Variants in EPB41L2 observed in about 807,000 individuals in gnomAD.
EPB41L2 encodes erythrocyte membrane protein band 4.1 like 2, also known as band 4.1-like protein 2.
A neutral mutation model predicts 113.0 loss-of-function variants in EPB41L2; 43 were observed. That is an observed-to-expected ratio of 0.38 (90% CI 0.30 to 0.49). The LOEUF is 0.49. EPB41L2 is among the 20% of genes least tolerant of loss of function. EPB41L2 has a pLI of 0.95. For missense variants in EPB41L2, 1,147 were observed against 1,223.4 expected (o/e 0.94, Z 0.93); for synonymous variants, 442 against 436.7 (o/e 1.01, Z -0.15).
intron 1 of EPB41L2, among the ~76,000 whole-genome samples, chr6:131,031,671 C>T (rs1792183373): frequency 6.6e-6 from 1 of 152,048 alleles, no homozygotes; most frequent in Non-Finnish European, 1.5e-5. Context: ...CATTTACAAC[C>T]AAAAGAAACA....
intron 14 of EPB41L2, among the ~76,000 whole-genome samples, chr6:130,872,737 A>G (rs1786175505): frequency 6.6e-6 from 1 of 152,194 alleles, no homozygotes; most frequent in South Asian, 2.1e-4. Context: ...ACCCTGCTTG[A>G]GAATCTTTGA....
intron 1 of EPB41L2, chr6:131,013,673 CT>C (rs1046545303): frequency 3.9e-5 from 6 of 152,166 alleles, no homozygotes; most frequent in African/African-American, 1.4e-4. Flanking sequence ...GGAAACTGCC[CT>C]TTTCACCCGT....
At chr6:130,958,911 G>A (rs1001063894) in intron 1 of EPB41L2, among the ~76,000 whole-genome samples, 11 of 152,312 alleles carry the variant, frequency 7.2e-5, no homozygotes, top group Admixed American at 2.6e-4. Flanking sequence ...TTCACTTAGC[G>A]CAACCTGGCT....
chr6:131,022,312 G>A (rs976037804), intron 1 of EPB41L2, among the ~76,000 whole-genome samples: 3 of 152,064 alleles, frequency 2.0e-5, no homozygotes, highest in East Asian at 1.9e-4. Context: ...CCTGGAGATT[G>A]GGAAGCCCTG....
intron 19 of EPB41L2, among the ~76,000 whole-genome samples, chr6:130,847,603 G>A (rs1345633826): frequency 1.3e-5 from 2 of 152,120 alleles, no homozygotes; most frequent in African/African-American, 2.4e-5. Context: ...ACTCTCATCT[G>A]CCAATTTTCT....
chr6:130,923,186 C>T (rs1391835274), intron 4 of EPB41L2, among the ~76,000 whole-genome samples: 1 of 152,096 alleles, frequency 6.6e-6, no homozygotes, highest in African/African-American at 2.4e-5. Context: ...TTCAATCATT[C>T]GCTTTTCTAC....
At chr6:130,926,421 C>T (rs1283136682) in intron 4 of EPB41L2, among the ~76,000 whole-genome samples, 184 bp downstream of exon 4, 1 of 152,164 alleles carries the variant, frequency 6.6e-6, no homozygotes, top group Non-Finnish European at 1.5e-5. Flanking sequence ...AATACACATA[C>T]ACCAAAAAGC....
chr6:130,934,418 AATAT>A (rs1236139046), intron 3 of EPB41L2, among the ~76,000 whole-genome samples: 1 of 152,238 alleles, frequency 6.6e-6, no homozygotes, highest in African/African-American at 2.4e-5. Flanking sequence ...TATTATATAT[AATAT>A]ACAAACATAT....
intron 1 of EPB41L2, among the ~76,000 whole-genome samples, chr6:130,972,605 A>C (rs543887779): frequency 1.4e-4 from 21 of 151,946 alleles, no homozygotes; most frequent in Admixed American, 4.6e-4. Context: ...CAGATAGACT[A>C]TAAGTGCACT....
At chr6:131,023,627 G>A (rs922967838) in intron 1 of EPB41L2, among the ~76,000 whole-genome samples, 4 of 151,910 alleles carry the variant, frequency 2.6e-5, no homozygotes, top group Non-Finnish European at 5.9e-5. Flanking sequence ...AGAGGTTGCA[G>A]TGAGCCAAGA....
chr6:130,961,554 G>C (rs1456517374), intron 1 of EPB41L2, among the ~76,000 whole-genome samples: 1 of 152,104 alleles, frequency 6.6e-6, no homozygotes, highest in African/African-American at 2.4e-5. Flanking sequence ...CCCTTAATCA[G>C]AATACTACAG....
Position 130,880,234 on chromosome 6 carries a change from G to T in EPB41L2, c.1834-28C>A. The T allele has an allele frequency of 3.9e-6, 6 of 1,529,150 alleles. No individual in the cohort carries two copies. The South Asian group carries it at 6.8e-5, about 17-fold the overall frequency. 94.7% of individuals were successfully genotyped at this position (1,529,150 alleles called of 1,614,324 possible). On this transcript the variant is annotated intron_variant, in intron 12 of 19. Transcript: ENST00000337057. ...GTGAAATTAAATCACACACAGGGGG[G>T]AAAAGGCAAATAAACATAAGTGTAT...
At position 130,895,744 on chromosome 6, in the gene EPB41L2, G is replaced by A. The variant is rs528523731; in HGVS notation, c.1237-625C>T. Among the ~76,000 whole-genome samples, 20 of 152,240 alleles carry A rather than the reference G, an allele frequency of 1.3e-4. 1 individual carries two copies. Among genetic ancestry groups the A allele is most frequent in the Admixed American group, 1.2e-3 (18 of 15,300 alleles). ...CATTAGGCATTCCTTTGGCTGGCACGTTTCAAAGGACTGCAGACTATTCTT... is the reference window on the plus strand; with the variant it reads ...CATTAGGCATTCCTTTGGCTGGCACATTTCAAAGGACTGCAGACTATTCTT... On this transcript the variant is annotated intron_variant, in intron 8 of 19. Transcript: ENST00000337057.
At chr6:130,903,379 T>C (rs1796817907) in intron 6 of EPB41L2, among the ~76,000 whole-genome samples, 1 of 146,226 alleles carries the variant, frequency 6.8e-6, no homozygotes, top group South Asian at 2.2e-4. Context: ...AGTGCATTCA[T>C]ATTCAGCAAC....
In EPB41L2 at chr6:130,955,286, T is replaced by C. The variant is rs752235863; in HGVS notation, c.524A>G (p.Glu175Gly). The C allele has an allele frequency of 2.5e-6, 4 of 1,613,494 alleles. No individual in the cohort carries two copies. Among genetic ancestry groups the C allele is most frequent in the Non-Finnish European group, 3.4e-6 (4 of 1,180,008 alleles). The change falls in exon 3 of 20, where the codon GAG becomes GGG. Residue 175 changes from glutamate to glycine, a missense_variant. Physicochemically the swap from Glu to Gly is moderately conservative, Grantham distance 98. Coordinates refer to ENST00000337057, the MANE Select transcript of EPB41L2 (RefSeq NM_001431.4). The stretch of plus-strand genomic sequence containing the variant: ...GTCTTCCTGTGTTTCTTTTACCTTC[T>C]CTTCTCTCTCCTTACTTACTAATTC... ...PTELVSKERE[E>G]KVKETQEDKL...
At chr6:130,963,190 G>A (rs1248712195) in intron 1 of EPB41L2, among the ~76,000 whole-genome samples, 1 of 152,290 alleles carries the variant, frequency 6.6e-6, no homozygotes, top group Middle Eastern at 3.4e-3. Flanking sequence ...CTGGCTCAAT[G>A]AGCCAGGGAT....
intron 11 of EPB41L2, among the ~76,000 whole-genome samples, chr6:130,889,988 G>A (rs1447359328): frequency 1.3e-5 from 2 of 152,082 alleles, no homozygotes; most frequent in African/African-American, 4.8e-5. Context: ...TTTCCTTAGA[G>A]CATATGTCAG....
At chr6:130,877,520 T>TA in intron 14 of EPB41L2, among the ~76,000 whole-genome samples, 1 of 152,168 alleles carries the variant, frequency 6.6e-6, no homozygotes, top group Non-Finnish European at 1.5e-5. Flanking sequence ...TGAAAAGAAA[T>TA]AGAGTAAGTG....
At chr6:130,995,346 C>CA (rs567780229) in intron 1 of EPB41L2, among the ~76,000 whole-genome samples, 7 of 150,238 alleles carry the variant, frequency 4.7e-5, no homozygotes, top group African/African-American at 7.4e-5. Flanking sequence ...AAAAAACAAA[C>CA]AAAAAAAACA....
Sources: allele counts gnomAD v4.1 joint callset (sites outside exome capture counted in the v4.1 genomes callset), GRCh38; gene constraint gnomAD v4.1.1; transcripts MANE v1.5; gene names NCBI Gene and HGNC (gene_info 2026-07-23, HGNC 2026-07-21).